The following AMPH variants were observed in gnomAD, a reference collection of about 807,000 sequenced individuals.
AMPH encodes amphiphysin.
In AMPH, 49 loss-of-function variants were observed where a neutral mutation model predicts 99.1. That is an observed-to-expected ratio of 0.49 (90% CI 0.39 to 0.63). The LOEUF (loss-of-function observed/expected upper bound fraction) is 0.63, where lower values mean the gene tolerates loss of function less well. AMPH is among the 20% of genes least tolerant of loss of function. The pLI is 0.00. For missense variants in AMPH, 759 were observed against 863.4 expected, an observed-to-expected ratio of 0.88 and a Z score of 1.52; for synonymous variants, 314 against 317.3, an observed-to-expected ratio of 0.99 and a Z score of 0.11.
At chr7:38,616,142 C>T (rs1215359816) in intron 1 of AMPH, among the ~76,000 whole-genome samples, 1 of 152,162 alleles carries the variant, frequency 6.6e-6, no homozygotes, top group Non-Finnish European at 1.5e-5. Context: ...TGTACATCTC[C>T]TCTGCACAAG....
chr7:38,401,205 A>G (rs1459029509), intron 17 of AMPH, among the ~76,000 whole-genome samples: 1 of 152,232 alleles, frequency 6.6e-6, no homozygotes. Flanking sequence ...CCCAACAATT[A>G]TTAGGTTACA....
chr7:38,390,961 CAGAGAGAGAGAGAGAGAGAGAG>C (rs199667568), intron 19 of AMPH, among the ~76,000 whole-genome samples: 46 of 129,298 alleles, frequency 3.6e-4, no homozygotes, highest in East Asian at 8.1e-4. Context: ...GAGACAAAGA[CAGAGAGAGAGAGAGAGAGAGAG>C]AGAGAGAGAG....
At chr7:38,443,047 T>C (rs954683624) in intron 11 of AMPH, among the ~76,000 whole-genome samples, 1 of 152,092 alleles carries the variant, frequency 6.6e-6, no homozygotes, top group Non-Finnish European at 1.5e-5. Flanking sequence ...AACATCATCA[T>C]AGATATTAGA....
At chr7:38,472,978 G>C (rs1004744762) in intron 7 of AMPH, among the ~76,000 whole-genome samples, 1 of 152,116 alleles carries the variant, frequency 6.6e-6, no homozygotes, top group South Asian at 2.1e-4. Context: ...TAACATCAAT[G>C]CTAGTTTTGG....
In AMPH at chr7:38,520,098, G is replaced by GTA. The variant is rs200081266; in HGVS notation, c.150+14831_150+14832dup. Among the ~76,000 whole-genome samples, 333 of 152,084 alleles carry GTA rather than the reference G, an allele frequency of 2.2e-3. 2 individuals carry two copies. Among genetic ancestry groups the GTA allele is most frequent in the African/African-American group, 7.7e-3 (318 of 41,488 alleles). On this transcript the variant is annotated intron_variant, in intron 2 of 20. Coordinates refer to ENST00000356264, the MANE Select transcript of AMPH (RefSeq NM_001635.4). ...TCTGTCTCTCCCCGTATGTGTGTAT[G>GTA]TATATATATGTATATGCATATAATC...
At chr7:38,626,241 G>A (rs991758137) in intron 1 of AMPH, among the ~76,000 whole-genome samples, 3 of 152,058 alleles carry the variant, frequency 2.0e-5, no homozygotes, top group African/African-American at 7.2e-5. Context: ...TGCAATGGTG[G>A]TTTGCTACAC....
At chr7:38,493,830 T>C (rs539191649) in intron 4 of AMPH, among the ~76,000 whole-genome samples, 18 of 152,326 alleles carry the variant, frequency 1.2e-4, no homozygotes, top group Non-Finnish European at 4.4e-5. Flanking sequence ...AATCACACCA[T>C]GATCCATGTC....
At chr7:38,406,713 C>CCTCTCTCCCTCTCTCTCTCTCT (rs1562732244) in intron 17 of AMPH, among the ~76,000 whole-genome samples, 4 of 111,098 alleles carry the variant, frequency 3.6e-5, no homozygotes, top group South Asian at 3.6e-4. Flanking sequence ...TCTCTCCTCT[C>CCTCTCTCCCTCTCTCTCTCTCT]CTCTCTCTCT....
chr7:38,485,351 C>A (rs191835358), intron 5 of AMPH, among the ~76,000 whole-genome samples: 3 of 151,900 alleles, frequency 2.0e-5, no homozygotes, highest in Admixed American at 2.0e-4. Context: ...CAAAATAAAT[C>A]TAAATTCCAA....
intron 11 of AMPH, among the ~76,000 whole-genome samples, chr7:38,452,143 T>C (rs922428591): frequency 1.3e-5 from 2 of 152,104 alleles, no homozygotes; most frequent in African/African-American, 4.8e-5. Context: ...ACTGGGTACA[T>C]TTCAGTCATT....
chr7:38,422,629 C>A lies in AMPH; in HGVS notation c.1216-152G>T, dbSNP rs575493780. On this transcript the variant is annotated intron_variant, in intron 15 of 20. Coordinates refer to ENST00000356264, the MANE Select transcript of AMPH (RefSeq NM_001635.4). ...ATCTATCTATCGACACTCTATCTAT[C>A]TAATTTTTTTTTGAGAAAGGGTCTC... 52 of 664,250 alleles carry A rather than the reference C, an allele frequency of 7.8e-5. No individual in the cohort carries two copies. In the Admixed American group the frequency reaches 1.3e-3, roughly 17 times the overall value. The allele number at this position is 664,250 out of a possible 1,614,324, so 41.1% of individuals were successfully genotyped here. A position where few individuals can be genotyped will look rare whatever the true frequency, so the allele number is the denominator to read the frequency against.
At chr7:38,551,163 G>A (rs890267355) in intron 1 of AMPH, among the ~76,000 whole-genome samples, 1 of 151,962 alleles carries the variant, frequency 6.6e-6, no homozygotes, top group African/African-American at 2.4e-5. Context: ...TACAAGCAGG[G>A]GATTTTAACA....
chr7:38,453,456 C>T (rs1194695284), intron 11 of AMPH, among the ~76,000 whole-genome samples: 1 of 152,186 alleles, frequency 6.6e-6, no homozygotes, highest in African/African-American at 2.4e-5. Flanking sequence ...TCCTCTGCCC[C>T]AGTTCTTAAC....
chr7:38,600,971 G>A (rs1430622051), intron 1 of AMPH, among the ~76,000 whole-genome samples: 1 of 152,184 alleles, frequency 6.6e-6, no homozygotes, highest in East Asian at 1.9e-4. Flanking sequence ...CTCAAAAGAC[G>A]ATTACAAATG....
chr7:38,424,973 T>C (rs1309351009), intron 15 of AMPH, among the ~76,000 whole-genome samples: 2 of 152,174 alleles, frequency 1.3e-5, no homozygotes, highest in Non-Finnish European at 1.5e-5. Context: ...GCGATGGCTG[T>C]AAAATTATAA....
intron 7 of AMPH, among the ~76,000 whole-genome samples, chr7:38,467,793 G>A (rs1787720078): frequency 6.6e-6 from 1 of 152,008 alleles, no homozygotes; most frequent in Admixed American, 6.6e-5. Context: ...AAAGTGAGTG[G>A]ATATGGGCAG....
intron 17 of AMPH, among the ~76,000 whole-genome samples, chr7:38,402,476 G>A (rs1433299259): frequency 7.9e-5 from 12 of 152,180 alleles, no homozygotes; most frequent in African/African-American, 2.4e-4. Context: ...TACAGTAGAC[G>A]TGGAAACATT....
At chr7:38,590,216 C>T (rs774233063) in intron 1 of AMPH, among the ~76,000 whole-genome samples, 3 of 152,098 alleles carry the variant, frequency 2.0e-5, no homozygotes, top group African/African-American at 4.8e-5. Flanking sequence ...TGGAACCCAG[C>T]GACTAGTGTT....
chr7:38,606,248 C>A (rs543466735), intron 1 of AMPH, among the ~76,000 whole-genome samples: 1 of 152,136 alleles, frequency 6.6e-6, no homozygotes, highest in Middle Eastern at 3.2e-3. Context: ...ACCATTGTAA[C>A]CCTTTTTAAA....
Sources: allele counts gnomAD v4.1 joint callset (sites outside exome capture counted in the v4.1 genomes callset), GRCh38; gene constraint gnomAD v4.1.1; transcripts MANE v1.5; gene names NCBI Gene and HGNC (gene_info 2026-07-23, HGNC 2026-07-21).